The following PRKN variants were observed in gnomAD, a reference collection of about 807,000 sequenced individuals.
The protein encoded by PRKN is parkin RBR E3 ubiquitin protein ligase, also known as E3 ubiquitin-protein ligase parkin.
In PRKN, 56 loss-of-function variants were observed where a neutral mutation model predicts 59.5. The observed-to-expected ratio is 0.94, with a 90% CI of 0.76 to 1.18. The LOEUF (loss-of-function observed/expected upper bound fraction) is 1.18. Ranked by LOEUF, PRKN falls within the 50% of genes most tolerant of loss-of-function variation. The pLI is 0.00. For synonymous variants in PRKN, 250 were observed against 222.1 expected (o/e 1.13, Z -1.12); for missense variants, 657 against 596.4 (o/e 1.10, Z -1.06).
At chr6:162,488,631 CCTCT>C (rs986862668) in intron 1 of PRKN, among the ~76,000 whole-genome samples, 66 of 152,300 alleles carry the variant, frequency 4.3e-4, no homozygotes, top group African/African-American at 1.4e-3. Context: ...GGGTGACCGT[CCTCT>C]CTGAGTATCA....
intron 5 of PRKN, among the ~76,000 whole-genome samples, chr6:162,053,759 G>A (rs543894889): frequency 6.6e-5 from 10 of 152,132 alleles, no homozygotes; most frequent in Non-Finnish European, 1.2e-4. Flanking sequence ...TCATGCTTCT[G>A]TAATTTTTCT....
rs536679309 is a variant in PRKN at position 162,155,066 on chromosome 6, C to T, written c.534+46065G>A. Among the ~76,000 whole-genome samples the T allele has an allele frequency of 4.7e-5, 7 of 149,582 alleles. No homozygotes were observed. In the Admixed American group the frequency reaches 4.7e-4, roughly 10 times the overall value. ...AAACACCCACAACATGACTTCTAGA[C>T]TCTATGGTAAATCAAAGATGGAAAA... On this transcript the variant is annotated intron_variant, in intron 4 of 11. Transcript: ENST00000366898.
At chr6:162,569,218 C>T (rs2128208201) in intron 1 of PRKN, 1 of 565,708 alleles carries the variant, frequency 1.8e-6, no homozygotes, top group Non-Finnish European at 3.3e-6. Context: ...ACTGGAACAT[C>T]AGCCAGCCCC....
At position 161,467,976 on chromosome 6, in the gene PRKN, A is replaced by G. The variant is rs1230573109; in HGVS notation, c.1083+80878T>C. ...CTCCCTTAGCCTACACTTTATTTTT[A>G]TTTTTAGTTTTATTGAGACAGAGTT... On this transcript the variant is annotated intron_variant, in intron 9 of 11. Coordinates refer to ENST00000366898, the MANE Select transcript of PRKN (RefSeq NM_004562.3). The surrounding 1 kb of genome is among the most constrained non-coding windows in gnomAD (Gnocchi z 4.3). Among the ~76,000 whole-genome samples, 1 of 150,912 alleles carries G rather than the reference A, an allele frequency of 6.6e-6. No homozygotes were observed. Among genetic ancestry groups the G allele is most frequent in the East Asian group, 1.9e-4 (1 of 5,144 alleles).
intron 6 of PRKN, among the ~76,000 whole-genome samples, chr6:161,947,408 T>C (rs1031171952): frequency 6.6e-6 from 1 of 152,238 alleles, no homozygotes; most frequent in African/African-American, 2.4e-5. Flanking sequence ...AAAATGGTCA[T>C]TCTTCTGACT....
At chr6:161,439,381 A>G (rs1447108955) in intron 9 of PRKN, among the ~76,000 whole-genome samples, 3 of 152,238 alleles carry the variant, frequency 2.0e-5, no homozygotes, top group Admixed American at 1.3e-4. Context: ...AGTGCTTTGG[A>G]ATCACAAAAT....
At position 162,727,719 on chromosome 6, in the gene PRKN, GCGGCGC is replaced by G; in HGVS notation, c.-57_-52del. The G allele has an allele frequency of 6.5e-7, 1 of 1,547,686 alleles. No homozygotes were observed. Among genetic ancestry groups the G allele is most frequent in the Non-Finnish European group, 8.7e-7 (1 of 1,144,332 alleles). ...GGCCAGGAACAGGCCCATGCGCGCA[GCGGCGC>G]CAGCCGCGCCTCCCACCAGCGGCTC... On this transcript the variant is annotated 5_prime_UTR_variant, in exon 1 of 12. Coordinates refer to ENST00000366898, the MANE Select transcript of PRKN (RefSeq NM_004562.3).
intron 1 of PRKN, among the ~76,000 whole-genome samples, chr6:162,588,283 T>C (rs1372110431): frequency 6.6e-6 from 1 of 151,700 alleles, no homozygotes; most frequent in Non-Finnish European, 1.5e-5. Flanking sequence ...AGTGCTGGGA[T>C]TAGAGGTGTG....
At chr6:161,782,109 C>T (rs950596934) in intron 7 of PRKN, among the ~76,000 whole-genome samples, 2 of 152,124 alleles carry the variant, frequency 1.3e-5, no homozygotes, top group Non-Finnish European at 2.9e-5. Flanking sequence ...AATACGGGTG[C>T]ACACAAGTCT....
rs117828575 is a variant in PRKN, at chr6:161,549,145, G to A, written c.934-142C>T. The A allele has an allele frequency of 0.027, 22,705 of 856,458 alleles. 451 individuals are homozygous for A. Among genetic ancestry groups the A allele is most frequent in the Non-Finnish European group, 0.035 (18,043 of 522,700 alleles). The allele number at this position is 856,458 out of a possible 1,614,324, so 53.1% of individuals were successfully genotyped here. A position where few individuals can be genotyped will look rare whatever the true frequency, so the allele number is the denominator to read the frequency against. ...GTGTGTGTGTGTGTGTGTGTGTAGG[G>A]GGAGGGAGAGGGCCACGGGGTTGAT... On this transcript the variant is annotated intron_variant, in intron 8 of 11. Coordinates refer to ENST00000366898, the MANE Select transcript of PRKN (RefSeq NM_004562.3). The surrounding 1 kb of genome is among the most constrained non-coding windows in gnomAD (Gnocchi z 6.0).
At chr6:161,411,974 T>C (rs1719557494) in intron 9 of PRKN, among the ~76,000 whole-genome samples, 1 of 148,262 alleles carries the variant, frequency 6.7e-6, no homozygotes, top group African/African-American at 2.5e-5. Context: ...TCCTCACCCA[T>C]TCCTTCCTCA....
intron 6 of PRKN, among the ~76,000 whole-genome samples, chr6:161,915,486 C>A (rs1239559860): frequency 6.6e-6 from 1 of 152,058 alleles, no homozygotes; most frequent in Admixed American, 6.6e-5. Context: ...ATTTTCTTAT[C>A]AAAAAATTTC....
At chr6:161,757,336 G>T (rs1391414005) in intron 7 of PRKN, among the ~76,000 whole-genome samples, 1 of 152,062 alleles carries the variant, frequency 6.6e-6, no homozygotes, top group Non-Finnish European at 1.5e-5. Context: ...TCATACATCT[G>T]ATAAAATACT....
At chr6:162,492,275 G>T (rs1792852018) in intron 1 of PRKN, among the ~76,000 whole-genome samples, 1 of 152,186 alleles carries the variant, frequency 6.6e-6, no homozygotes, top group South Asian at 2.1e-4. Context: ...TGAAGGGTGC[G>T]CTTGCTTATC....
At chr6:161,958,334 T>C (rs1023105123) in intron 6 of PRKN, among the ~76,000 whole-genome samples, 1 of 152,184 alleles carries the variant, frequency 6.6e-6, no homozygotes, top group African/African-American at 2.4e-5. Flanking sequence ...CATATGAAGA[T>C]TCAGTAGGAA....
chr6:162,725,651 T>C (rs1301867367), intron 1 of PRKN, among the ~76,000 whole-genome samples: 3 of 151,736 alleles, frequency 2.0e-5, no homozygotes, highest in Non-Finnish European at 4.4e-5. Context: ...TAGTCACAGC[T>C]ACTCAGGAGG....
At chr6:162,607,439 A>C (rs543134797) in intron 1 of PRKN, among the ~76,000 whole-genome samples, 1 of 152,276 alleles carries the variant, frequency 6.6e-6, no homozygotes, top group East Asian at 1.9e-4. Flanking sequence ...GTGGAGACAA[A>C]GCAAGTGAGA....
chr6:161,573,245 A>C (rs1338727596), intron 7 of PRKN, among the ~76,000 whole-genome samples: 1 of 90,608 alleles, frequency 1.1e-5, no homozygotes, highest in Non-Finnish European at 2.2e-5. Flanking sequence ...GCACTGCTTT[A>C]GTGTCAGTAA....
At chr6:162,390,537 G>A (rs887863654) in intron 2 of PRKN, among the ~76,000 whole-genome samples, 5 of 151,634 alleles carry the variant, frequency 3.3e-5, no homozygotes. Flanking sequence ...CGCCTCCCGG[G>A]TTCAAGTGAT....
Sources: gnomAD v4.1 joint callset for allele counts (sites outside exome capture counted in the v4.1 genomes callset) on GRCh38, gnomAD v4.1.1 for gene constraint, Gnocchi (gnomAD v3.1) non-coding constraint, MANE v1.5 for transcripts, NCBI Gene and HGNC (gene_info 2026-07-23, HGNC 2026-07-21) for gene names.